Variants in CSMD1 observed in about 807,000 individuals in gnomAD.
The protein encoded by CSMD1 is CUB and Sushi multiple domains 1, also known as CUB and sushi domain-containing protein 1.
Under a neutral mutation model 417.5 loss-of-function variants are expected in CSMD1, and 213 were observed. That is an observed-to-expected ratio of 0.51 (90% CI 0.46 to 0.57). The LOEUF is 0.57. Among genes scored for constraint, CSMD1 ranks in the 20% least tolerant of loss-of-function variants. The pLI, the probability that CSMD1 is intolerant of heterozygous loss-of-function variation, is 0.00. For synonymous variants in CSMD1, 2,862 were observed against 1,736.8 expected, an observed-to-expected ratio of 1.65 and a Z score of -16.11; for missense variants, 6,923 against 4,529.7, an observed-to-expected ratio of 1.53 and a Z score of -15.17.
chr8:4,420,978 A>G (rs1256485961), intron 2 of CSMD1, among the ~76,000 whole-genome samples: 3 of 152,052 alleles, frequency 2.0e-5, no homozygotes, highest in Non-Finnish European at 1.5e-5. Flanking sequence ...CAACTCTCAA[A>G]TTGTATTCAT....
At position 3,871,645 on chromosome 8, in the gene CSMD1, T is replaced by C. The variant is rs562031168; in HGVS notation, c.819-117603A>G. On this transcript the variant is annotated intron_variant, in intron 5 of 69. Coordinates refer to ENST00000635120, the MANE Select transcript of CSMD1 (RefSeq NM_033225.6). Reference sequence around the variant, plus strand: ...GGATATATTTTTTCTCACTTTACCATTAGTCTCAACCTTTAATCTTTTCAT... The same window carrying C: ...GGATATATTTTTTCTCACTTTACCACTAGTCTCAACCTTTAATCTTTTCAT... Among the ~76,000 whole-genome samples, 275 of 152,304 alleles carry C rather than the reference T, an allele frequency of 1.8e-3. 1 individual carries two copies. The highest frequency in any genetic ancestry group is 1.7e-3 in the Non-Finnish European group (115 of 68,014).
intron 11 of CSMD1, among the ~76,000 whole-genome samples, chr8:3,486,736 G>A (rs1818056767): frequency 6.6e-6 from 1 of 152,232 alleles, no homozygotes; most frequent in Non-Finnish European, 1.5e-5. Context: ...TTGCCCTCAA[G>A]ACACATCCAA....
chr8:3,582,130 G>A (rs983319317), intron 9 of CSMD1, among the ~76,000 whole-genome samples: 5 of 152,170 alleles, frequency 3.3e-5, no homozygotes, highest in Non-Finnish European at 4.4e-5. Context: ...TTGTGGTAAT[G>A]GAAGAGTGAC....
At chr8:3,777,597 T>G (rs368980086) in intron 5 of CSMD1, among the ~76,000 whole-genome samples, 1 of 152,168 alleles carries the variant, frequency 6.6e-6, no homozygotes, top group Admixed American at 6.5e-5. Flanking sequence ...GGAAGCAGTC[T>G]CAGAATGAGA....
chr8:4,136,649 C>T (rs1033132789), intron 3 of CSMD1, among the ~76,000 whole-genome samples: 2 of 152,180 alleles, frequency 1.3e-5, no homozygotes, highest in African/African-American at 4.8e-5. Context: ...ACAGCATTTT[C>T]CTTTTTTCCT....
At chr8:3,518,593 T>C (rs903234351) in intron 10 of CSMD1, among the ~76,000 whole-genome samples, 2 of 152,168 alleles carry the variant, frequency 1.3e-5, no homozygotes, top group African/African-American at 4.8e-5. Flanking sequence ...AATACAGCTT[T>C]TCAAAATAAC....
chr8:4,471,171 G>A (rs895110312), intron 2 of CSMD1, among the ~76,000 whole-genome samples: 7 of 152,020 alleles, frequency 4.6e-5, no homozygotes, highest in African/African-American at 1.7e-4. Flanking sequence ...AGGCCTTACT[G>A]GATTTAATTC....
chr8:4,447,528 A>G (rs939513176), intron 2 of CSMD1, among the ~76,000 whole-genome samples: 2 of 152,204 alleles, frequency 1.3e-5, no homozygotes, highest in African/African-American at 4.8e-5. Context: ...TCTAATCCAA[A>G]TCCCTCACTC....
At chr8:3,514,460 C>G (rs1205324317) in intron 10 of CSMD1, among the ~76,000 whole-genome samples, 3 of 152,102 alleles carry the variant, frequency 2.0e-5, no homozygotes, top group Non-Finnish European at 2.9e-5. Flanking sequence ...CGGGTCATCC[C>G]CACTGAAGAA....
At chr8:4,094,917 G>A (rs1045428006) in intron 3 of CSMD1, among the ~76,000 whole-genome samples, 1 of 152,168 alleles carries the variant, frequency 6.6e-6, no homozygotes, top group Admixed American at 6.5e-5. Context: ...GAGAGACATG[G>A]GGAAGTCATT....
rs140309032 is a variant in CSMD1, at chr8:3,874,220, T to C, written c.819-120178A>G. ...ATGGAGAAGACCTTCCTAACCTTCC[T>C]GCAATTTTCTAAAGGATGAAGAGCA... On this transcript the variant is annotated intron_variant, in intron 5 of 69. Coordinates refer to ENST00000635120, the MANE Select transcript of CSMD1 (RefSeq NM_033225.6). 5.9e-5 allele frequency among the ~76,000 whole-genome samples: 9 copies of C among 152,304 alleles called. No individual in the cohort carries two copies. The East Asian group carries it at 1.7e-3, about 29-fold the overall frequency.
At chr8:4,397,145 C>G (rs545858022) in intron 3 of CSMD1, among the ~76,000 whole-genome samples, 6 of 152,092 alleles carry the variant, frequency 3.9e-5, no homozygotes, top group Non-Finnish European at 7.4e-5. Context: ...GTCGAGCAAT[C>G]ACTCTCATTT....
At chr8:3,722,987 C>A (rs893953637) in intron 6 of CSMD1, among the ~76,000 whole-genome samples, 6 of 152,184 alleles carry the variant, frequency 3.9e-5, no homozygotes, top group African/African-American at 1.4e-4. Flanking sequence ...TTTATCATTT[C>A]CCAATTCTGC....
intron 8 of CSMD1, among the ~76,000 whole-genome samples, chr8:3,609,866 T>C (rs1236776938): frequency 8.2e-6 from 1 of 122,014 alleles, no homozygotes; most frequent in Non-Finnish European, 1.6e-5. Flanking sequence ...TCCCCCAGGC[T>C]GAAGTGAAGT....
At chr8:4,910,548 T>G (rs1805593385) in intron 1 of CSMD1, among the ~76,000 whole-genome samples, 1 of 152,138 alleles carries the variant, frequency 6.6e-6, no homozygotes, top group Non-Finnish European at 1.5e-5. Flanking sequence ...TCTCTGAAGC[T>G]TTTTTATAGA....
chr8:4,148,286 C>T (rs968500436), intron 3 of CSMD1, among the ~76,000 whole-genome samples: 3 of 145,570 alleles, frequency 2.1e-5, no homozygotes, highest in African/African-American at 2.6e-5. Flanking sequence ...CCAAACACCA[C>T]ATGTTCTCAC....
chr8:3,838,566 A>G (rs1802861327), intron 5 of CSMD1, among the ~76,000 whole-genome samples: 1 of 143,166 alleles, frequency 7.0e-6, no homozygotes, highest in South Asian at 2.1e-4. Flanking sequence ...AGATATATAT[A>G]GTCTCTCTAT....
intron 1 of CSMD1, among the ~76,000 whole-genome samples, chr8:4,779,492 TGC>T (rs1797038923): frequency 1.3e-5 from 2 of 152,186 alleles, no homozygotes. Flanking sequence ...TATTTCCCTA[TGC>T]AGAGTCCTAA....
chr8:3,484,800 G>A (rs548779315), intron 11 of CSMD1, among the ~76,000 whole-genome samples: 7 of 152,334 alleles, frequency 4.6e-5, no homozygotes, highest in South Asian at 2.1e-4. Flanking sequence ...GAGGATGTCA[G>A]ATAGTAAATA....
Sources: allele counts gnomAD v4.1 joint callset (sites outside exome capture counted in the v4.1 genomes callset), GRCh38; gene constraint gnomAD v4.1.1; transcripts MANE v1.5; gene names NCBI Gene and HGNC (gene_info 2026-07-23, HGNC 2026-07-21).